The following KLF13 variants were observed in gnomAD, a reference collection of about 807,000 sequenced individuals.
KLF13 encodes Krueppel-like factor 13.
KLF13 carries 8 observed loss-of-function variants against 16.7 expected under a neutral mutation model. The ratio of observed to expected loss-of-function variants is 0.48; its 90% CI spans 0.28 to 0.87. The LOEUF is 0.87. Ranked by LOEUF, KLF13 falls within the 40% of genes least tolerant of loss-of-function variation. KLF13 has a pLI of 0.10. For missense variants in KLF13, 447 were observed against 452.2 expected (o/e 0.99, Z 0.10); for synonymous variants, 245 against 208.4 (o/e 1.18, Z -1.51).
chr15:31,376,187 C>T lies in KLF13; in HGVS notation c.*3888C>T, dbSNP rs2039642153. The T allele has an allele frequency of 6.5e-6, 1 of 152,694 alleles. No homozygotes were observed. Among genetic ancestry groups the T allele is most frequent in the South Asian group, 2.1e-4 (1 of 4,838 alleles). 9.5% of individuals were successfully genotyped at this position (152,694 alleles called of 1,614,324 possible). ...GGACTGCACAGGGTCCCGGCACTCC[C>T]TCGGGACCCATTCAGGATCTCAGCT... On this transcript the variant is annotated 3_prime_UTR_variant, in exon 2 of 2. Transcript: ENST00000307145.
At chr15:31,368,451 G>A (rs1249277661) in intron 1 of KLF13, among the ~76,000 whole-genome samples, 1 of 152,146 alleles carries the variant, frequency 6.6e-6, no homozygotes, top group African/African-American at 2.4e-5. Flanking sequence ...TTTATACAAT[G>A]ATAACATTTC....
At chr15:31,349,140 G>C (rs1355798253) in intron 1 of KLF13, among the ~76,000 whole-genome samples, 1 of 152,158 alleles carries the variant, frequency 6.6e-6, no homozygotes, top group African/African-American at 2.4e-5. Flanking sequence ...GGCGAGGTAG[G>C]GTGGGGTACT....
At chr15:31,370,054 T>C (rs2039533903) in intron 1 of KLF13, among the ~76,000 whole-genome samples, 2 of 150,630 alleles carry the variant, frequency 1.3e-5, no homozygotes, top group Admixed American at 1.3e-4. Flanking sequence ...CTTTTTTTTT[T>C]TTTTTTTTTT....
chr15:31,339,448 TG>T (rs1191623758), intron 1 of KLF13, among the ~76,000 whole-genome samples: 7 of 152,180 alleles, frequency 4.6e-5, no homozygotes, highest in African/African-American at 1.4e-4. Context: ...TGCCGACAGC[TG>T]GCACGGGAGG....
At chr15:31,424,906 A>ACACACACACAC in intron 1 of KLF13, among the ~76,000 whole-genome samples, 2 of 48,520 alleles carry the variant, frequency 4.1e-5, no homozygotes, top group South Asian at 1.5e-3. Context: ...CACACACACA[A>ACACACACACAC]AGCTCTTAGA....
intron 1 of KLF13, among the ~76,000 whole-genome samples, chr15:31,419,620 C>T (rs147036284): frequency 1.9e-4 from 29 of 152,146 alleles, no homozygotes; most frequent in African/African-American, 6.3e-4. Context: ...GATCAAGTCA[C>T]AGGAACAAAA....
intron 1 of KLF13, among the ~76,000 whole-genome samples, chr15:31,423,324 A>G (rs1229159428): frequency 6.6e-6 from 1 of 150,952 alleles, no homozygotes; most frequent in African/African-American, 2.4e-5. Flanking sequence ...ACCAGACAGA[A>G]GATTAATAAA....
intron 1 of KLF13, chr15:31,420,307 CA>C: frequency 1.1e-6 from 1 of 944,168 alleles, no homozygotes. Flanking sequence ...ACAACCTTTT[CA>C]AATGGGTAGG....
At chr15:31,339,314 ATTTC>A (rs980724287) in intron 1 of KLF13, among the ~76,000 whole-genome samples, 2 of 152,036 alleles carry the variant, frequency 1.3e-5, no homozygotes, top group African/African-American at 4.8e-5. Context: ...GGTTTCTATA[ATTTC>A]TTAATAAACA....
chr15:31,400,894 C>G (rs184523879), intron 2 of KLF13, among the ~76,000 whole-genome samples: 1 of 152,096 alleles, frequency 6.6e-6, no homozygotes, highest in Non-Finnish European at 1.5e-5. Flanking sequence ...AAGCTGACCC[C>G]GAGATTTGGG....
rs755843503 is a variant in KLF13 at position 31,327,622 on chromosome 15, C to T, written c.410C>T (p.Pro137Leu). Residue 137 changes from proline (P) to leucine (L), a missense_variant, in exon 1 of 2, where the codon CCG becomes CTG. By Grantham distance (98) the Pro-to-Leu change is moderately conservative. Around this residue, in one of 2 missense-constraint regions of KLF13, gnomAD observed 359 missense variants for 282.8 expected, o/e 1.27. Coordinates refer to ENST00000307145, the MANE Select transcript of KLF13 (RefSeq NM_015995.4). ...GCGGGGCTGGAGCCCGAGCGGGAGC[C>T]GGGGCCCGCGGGGAGCGGCGAGCCC... ...PEAGLEPERE[P>L]GPAGSGEPGL... 2.1e-5 allele frequency: 28 copies of T among 1,348,752 alleles called. No homozygotes were observed. The South Asian group carries it at 4.3e-4, about 21-fold the overall frequency. The allele number at this position is 1,348,752 out of a possible 1,614,324, so 83.5% of individuals were successfully genotyped here.
chr15:31,368,730 T>C (rs2039513134), intron 1 of KLF13, among the ~76,000 whole-genome samples: 1 of 152,168 alleles, frequency 6.6e-6, no homozygotes, highest in South Asian at 2.1e-4. Flanking sequence ...TAGGCGCCTG[T>C]AATCCCAGCT....
intron 1 of KLF13, among the ~76,000 whole-genome samples, chr15:31,356,643 G>A (rs898445471): frequency 1.3e-5 from 2 of 152,220 alleles, no homozygotes; most frequent in Non-Finnish European, 2.9e-5. Context: ...AGGCTTATAT[G>A]TCTGGAAATG....
chr15:31,357,970 G>T (rs1473483128), intron 1 of KLF13, among the ~76,000 whole-genome samples: 1 of 152,138 alleles, frequency 6.6e-6, no homozygotes, highest in African/African-American at 2.4e-5. Context: ...CATTGTAGTG[G>T]GATCTGGGGC....
chr15:31,328,334 CTTCTT>C (rs1348514317), intron 1 of KLF13, among the ~76,000 whole-genome samples: 1 of 151,936 alleles, frequency 6.6e-6, no homozygotes, highest in African/African-American at 2.4e-5. Flanking sequence ...TCTTCGCTCT[CTTCTT>C]CCTGTAATTT....
At chr15:31,424,965 G>T (rs781770598) in intron 1 of KLF13, among the ~76,000 whole-genome samples, 2 of 148,498 alleles carry the variant, frequency 1.3e-5, no homozygotes, top group Non-Finnish European at 3.0e-5. Flanking sequence ...ATCAACACAT[G>T]AAATTAGTTT....
At chr15:31,378,215 C>T (rs1177344508), downstream of KLF13, among the ~76,000 whole-genome samples, 1 of 152,152 alleles carries the variant, frequency 6.6e-6, no homozygotes, top group African/African-American at 2.4e-5. Flanking sequence ...AGCACCTTTC[C>T]CTCAAAGTCC....
chr15:31,424,648 A>G (rs2040380228), intron 1 of KLF13, among the ~76,000 whole-genome samples: 1 of 152,142 alleles, frequency 6.6e-6, no homozygotes, highest in South Asian at 2.1e-4. Flanking sequence ...GTGTATACAA[A>G]AAGCCCACAG....
At chr15:31,427,214 T>C (rs928931722) in intron 1 of KLF13, among the ~76,000 whole-genome samples, 1 of 152,016 alleles carries the variant, frequency 6.6e-6, no homozygotes, top group Non-Finnish European at 1.5e-5. Flanking sequence ...CTCTCACTGG[T>C]TTTACCTCTC....
Sources: gnomAD v4.1 joint callset for allele counts (sites outside exome capture counted in the v4.1 genomes callset) on GRCh38, gnomAD v4.1.1 for gene constraint, gnomAD v4.1.1 regional missense constraint, MANE v1.5 for transcripts, NCBI Gene and HGNC (gene_info 2026-07-23, HGNC 2026-07-21) for gene names.